The following GRID2 variants were observed in gnomAD, a reference collection of about 807,000 sequenced individuals.
GRID2 encodes the protein glutamate ionotropic receptor delta type subunit 2.
Under a neutral mutation model 114.8 loss-of-function variants are expected in GRID2, and 33 were observed. The ratio of observed to expected loss-of-function variants is 0.29; its 90% CI spans 0.22 to 0.38. The LOEUF is 0.38. Ranked by LOEUF, GRID2 falls within the 10% of genes least tolerant of loss-of-function variation. The pLI, the probability that GRID2 is intolerant of heterozygous loss-of-function variation, is 1.00. For synonymous variants in GRID2, 505 were observed against 449.9 expected (o/e 1.12, Z -1.55); for missense variants, 1,184 against 1,257.7 (o/e 0.94, Z 0.89).
At chr4:93,275,473 C>A (rs1005503872) in intron 8 of GRID2, among the ~76,000 whole-genome samples, 1 of 150,934 alleles carries the variant, frequency 6.6e-6, no homozygotes, top group African/African-American at 2.4e-5. Flanking sequence ...AATGATCCTT[C>A]CTTTGGTAAC....
chr4:93,312,702 C>T (rs769199231), intron 8 of GRID2, among the ~76,000 whole-genome samples: 10 of 152,106 alleles, frequency 6.6e-5, no homozygotes, highest in African/African-American at 9.7e-5. Flanking sequence ...AACTAGAATA[C>T]ACATAGGAAG....
intron 2 of GRID2, among the ~76,000 whole-genome samples, chr4:92,657,133 G>A (rs954107160): frequency 3.3e-5 from 5 of 151,402 alleles, no homozygotes; most frequent in Non-Finnish European, 7.4e-5. Context: ...ATATATTTTG[G>A]GGAAGAAAGA....
chr4:93,553,101 A>G (rs1286083120), intron 13 of GRID2, among the ~76,000 whole-genome samples: 1 of 152,140 alleles, frequency 6.6e-6, no homozygotes, highest in Non-Finnish European at 1.5e-5. Flanking sequence ...ATGCGTGTGC[A>G]TGTGTCTTTA....
At chr4:93,056,014 T>C (rs1448187465) in intron 2 of GRID2, among the ~76,000 whole-genome samples, 2 of 151,900 alleles carry the variant, frequency 1.3e-5, no homozygotes, top group Non-Finnish European at 2.9e-5. Context: ...GCTGCCTTAA[T>C]GATGCCATCA....
chr4:92,601,445 T>C (rs1729211493), intron 2 of GRID2, among the ~76,000 whole-genome samples: 1 of 152,118 alleles, frequency 6.6e-6, no homozygotes, highest in South Asian at 2.1e-4. Context: ...GGATAAATCA[T>C]GAAATCAAGG....
chr4:92,353,141 C>T (rs982977389), intron 1 of GRID2, among the ~76,000 whole-genome samples: 1 of 151,738 alleles, frequency 6.6e-6, no homozygotes, highest in African/African-American at 2.4e-5. Flanking sequence ...TGCTTTTGAA[C>T]TCTTTCATCT....
At chr4:93,513,988 G>A (rs1360517312) in intron 12 of GRID2, among the ~76,000 whole-genome samples, 1 of 152,112 alleles carries the variant, frequency 6.6e-6, no homozygotes, top group Non-Finnish European at 1.5e-5. Context: ...GAGATTCATG[G>A]CTTATGGTTG....
chr4:92,994,341 TTTTGTTTGTTTG>T (rs573625295), intron 2 of GRID2, among the ~76,000 whole-genome samples: 1 of 151,948 alleles, frequency 6.6e-6, no homozygotes, highest in African/African-American at 2.4e-5. Flanking sequence ...AAGTTATTGT[TTTTGTTTGTTTG>T]TTTGTTTGTT....
intron 1 of GRID2, among the ~76,000 whole-genome samples, chr4:92,418,789 G>T (rs1731747601): frequency 6.6e-6 from 1 of 152,044 alleles, no homozygotes; most frequent in African/African-American, 2.4e-5. Context: ...GACATGTTTA[G>T]TAGGTCCTGT....
chr4:92,747,323 G>A (rs1318553928), intron 2 of GRID2, among the ~76,000 whole-genome samples: 1 of 151,728 alleles, frequency 6.6e-6, no homozygotes, highest in Non-Finnish European at 1.5e-5. Flanking sequence ...ATGAATTGTG[G>A]TTCTTTTAGA....
At chr4:93,456,167 T>C (rs1392326514) in intron 11 of GRID2, among the ~76,000 whole-genome samples, 193 bp downstream of exon 11, 1 of 152,136 alleles carries the variant, frequency 6.6e-6, no homozygotes, top group Admixed American at 6.6e-5. Flanking sequence ...CCAGCAATAA[T>C]GGTTCATTGT....
At chr4:93,795,893 G>C (rs1192280078) in intron 1 of GRID2, among the ~76,000 whole-genome samples, 5 of 152,156 alleles carry the variant, frequency 3.3e-5, no homozygotes, top group Non-Finnish European at 7.3e-5. Flanking sequence ...GGAGCGTGTG[G>C]AAGAATCCAA....
chr4:93,528,313 C>T (rs529076442), intron 13 of GRID2, among the ~76,000 whole-genome samples: 16 of 151,848 alleles, frequency 1.1e-4, no homozygotes, highest in East Asian at 3.9e-4. Context: ...AACTGCTAGA[C>T]GAAATGGCAA....
Position 93,536,599 on chromosome 4 carries a change from G to C in GRID2, c.2193+21188G>C, listed in dbSNP as rs150621836. Among the ~76,000 whole-genome samples, 1,098 of 150,670 alleles carry C rather than the reference G, an allele frequency of 7.3e-3. 34 individuals carry two copies. The highest frequency in any genetic ancestry group is 0.059 in the Admixed American group (893 of 15,104). ...ACCTCCTGAAAGAAAATATAGTGGAGGAAGAGCCATGCCATTGGTCTTGAC... is the reference window on the plus strand; with the variant it reads ...ACCTCCTGAAAGAAAATATAGTGGACGAAGAGCCATGCCATTGGTCTTGAC... On this transcript the variant is annotated intron_variant, in intron 13 of 15. Transcript: ENST00000282020.
intron 1 of GRID2, among the ~76,000 whole-genome samples, chr4:92,468,219 AGATC>A (rs1721853233): frequency 2.6e-5 from 4 of 152,068 alleles, no homozygotes; most frequent in Admixed American, 1.3e-4. Context: ...TAAAGGCTTT[AGATC>A]ATTGACTAAT....
intron 2 of GRID2, among the ~76,000 whole-genome samples, chr4:93,019,600 TAGTC>T (rs1198904495): frequency 7.9e-5 from 12 of 152,164 alleles, no homozygotes; most frequent in Admixed American, 2.6e-4. Flanking sequence ...GGGCAGAAGA[TAGTC>T]AGACTAGTAG....
intron 2 of GRID2, among the ~76,000 whole-genome samples, chr4:92,681,507 A>G (rs1048384900): frequency 6.6e-6 from 1 of 151,946 alleles, no homozygotes; most frequent in African/African-American, 2.4e-5. Flanking sequence ...ATGGCTGCAC[A>G]GGAAGGGGAA....
At chr4:92,750,342 C>T (rs1323206835) in intron 2 of GRID2, among the ~76,000 whole-genome samples, 5 of 152,160 alleles carry the variant, frequency 3.3e-5, no homozygotes, top group African/African-American at 1.2e-4. Context: ...AGCTTTTTAC[C>T]CTCTTTTGCC....
chr4:92,399,149 T>C (rs564634987), intron 1 of GRID2, among the ~76,000 whole-genome samples: 38 of 152,276 alleles, frequency 2.5e-4, no homozygotes, highest in Admixed American at 5.2e-4. Context: ...CCTCGGGGTA[T>C]GTCATTGAGA....
Sources: allele counts gnomAD v4.1 joint callset (sites outside exome capture counted in the v4.1 genomes callset), GRCh38; gene constraint gnomAD v4.1.1; transcripts MANE v1.5; gene names NCBI Gene and HGNC (gene_info 2026-07-23, HGNC 2026-07-21).